The following CTNNBL1 variants were observed in gnomAD, a reference collection of about 807,000 sequenced individuals.
CTNNBL1 encodes the protein beta-catenin-like protein 1.
A neutral mutation model predicts 72.7 loss-of-function variants in CTNNBL1; 31 were observed. That is an observed-to-expected ratio of 0.43 (90% confidence interval 0.32 to 0.58). The LOEUF (loss-of-function observed/expected upper bound fraction) is 0.58, where lower values mean the gene tolerates loss of function less well. Among genes scored for constraint, CTNNBL1 ranks in the 20% least tolerant of loss-of-function variants. The probability of loss-of-function intolerance (pLI) is 0.08; values close to 1 mark genes in which losing one functional copy is unlikely to be tolerated. For synonymous variants in CTNNBL1, 240 were observed against 267.3 expected (o/e 0.90, Z 1.00); for missense variants, 534 against 725.1 (o/e 0.74, Z 3.03).
At chr20:37,859,608 T>G (rs982869339) in intron 13 of CTNNBL1, among the ~76,000 whole-genome samples, 2 of 149,476 alleles carry the variant, frequency 1.3e-5, no homozygotes, top group African/African-American at 4.9e-5. Flanking sequence ...TCAGCTTGTT[T>G]TTTTTTTTTT....
intron 13 of CTNNBL1, among the ~76,000 whole-genome samples, chr20:37,842,878 T>C (rs1410874089): frequency 7.2e-5 from 11 of 152,244 alleles, no homozygotes; most frequent in Admixed American, 7.2e-4. Context: ...GATGGAAAAC[T>C]GGAGACCTAG....
At chr20:37,788,539 T>C (rs2073697823) in intron 10 of CTNNBL1, among the ~76,000 whole-genome samples, 1 of 152,188 alleles carries the variant, frequency 6.6e-6, no homozygotes, top group South Asian at 2.1e-4. Context: ...AACGGGGCCA[T>C]AGTGTGTTGT....
At chr20:37,790,870 T>G (rs182246864) in intron 10 of CTNNBL1, among the ~76,000 whole-genome samples, 14 of 152,348 alleles carry the variant, frequency 9.2e-5, no homozygotes, top group African/African-American at 3.4e-4. Flanking sequence ...AGTGAACATA[T>G]TTGTCACACC....
chr20:37,755,006 C>CAT (rs2073351565), intron 4 of CTNNBL1, among the ~76,000 whole-genome samples: 1 of 151,938 alleles, frequency 6.6e-6, no homozygotes, highest in Non-Finnish European at 1.5e-5. Context: ...CAGGTTTCAC[C>CAT]ATATTGGCCA....
At chr20:37,733,592 T>C (rs111960760) in intron 2 of CTNNBL1, among the ~76,000 whole-genome samples, 1,587 of 152,304 alleles carry the variant, frequency 0.01, 32 homozygotes, top group African/African-American at 0.036. Context: ...CCTCTGGACC[T>C]TTGGACTTCT....
chr20:37,777,354 C>G lies in CTNNBL1; in HGVS notation c.760C>G (p.Pro254Ala). 6.2e-7 allele frequency: 1 copy of G among 1,613,662 alleles called. No individual in the cohort carries two copies. Among genetic ancestry groups the G allele is most frequent in the Non-Finnish European group, 8.5e-7 (1 of 1,179,608 alleles). Residue 254 changes from proline (P) to alanine (A), a missense_variant, in exon 8 of 16, where the codon CCT (proline) becomes GCT (alanine). Coordinates refer to ENST00000361383, the MANE Select transcript of CTNNBL1 (RefSeq NM_030877.5). Reference sequence around the variant, plus strand: ...TCCTATTTCCCCATAGGCAAAGATGCCTTTTGATGCCAACAAACTGTATTG... The same window carrying G: ...TCCTATTTCCCCATAGGCAAAGATGGCTTTTGATGCCAACAAACTGTATTG... ...WLLKRLKAKM[P>A]FDANKLYCSE...
chr20:37,764,792 C>T (rs530759666), intron 5 of CTNNBL1, among the ~76,000 whole-genome samples: 38 of 152,200 alleles, frequency 2.5e-4, no homozygotes, highest in African/African-American at 8.4e-4. Flanking sequence ...GGCCTAAAGA[C>T]GTGTTTTGGC....
intron 5 of CTNNBL1, among the ~76,000 whole-genome samples, chr20:37,762,164 A>ACCTTTT (rs2073423406): frequency 1.3e-5 from 2 of 152,192 alleles, no homozygotes; most frequent in Non-Finnish European, 2.9e-5. Flanking sequence ...GCTAGGATAC[A>ACCTTTT]ACAGGCCTGA....
intron 1 of CTNNBL1, among the ~76,000 whole-genome samples, chr20:37,717,871 C>G (rs573135550): frequency 1.3e-5 from 2 of 152,274 alleles, no homozygotes; most frequent in African/African-American, 4.8e-5. Flanking sequence ...CGCCCTTAAT[C>G]CATTTAACCC....
intron 10 of CTNNBL1, among the ~76,000 whole-genome samples, chr20:37,794,754 A>C (rs1223253367): frequency 6.6e-6 from 1 of 151,780 alleles, no homozygotes; most frequent in South Asian, 2.1e-4. Context: ...TTCCTGCCTC[A>C]GTCTCCCAAA....
chr20:37,838,341 A>C lies in CTNNBL1; in HGVS notation c.1214-1761A>C, dbSNP rs78084961. ...TAGGCTATTGACTATTCCAAGCAAG[A>C]AATGGTGGTGATGTGAATGAGGGTA... On this transcript the variant is annotated intron_variant, in intron 11 of 15. Coordinates refer to ENST00000361383, the MANE Select transcript of CTNNBL1 (RefSeq NM_030877.5). 7.6e-3 allele frequency among the ~76,000 whole-genome samples: 1,161 copies of C among 152,280 alleles called. 15 individuals are homozygous for C. The highest frequency in any genetic ancestry group is 0.026 in the African/African-American group (1,078 of 41,552).
intron 11 of CTNNBL1, among the ~76,000 whole-genome samples, chr20:37,819,976 G>A (rs924293250): frequency 3.4e-5 from 5 of 149,206 alleles, no homozygotes; most frequent in Admixed American, 2.0e-4. Flanking sequence ...CCGGGTTCAA[G>A]CGATTCTCCT....
intron 13 of CTNNBL1, among the ~76,000 whole-genome samples, chr20:37,849,356 C>G (rs1297675894): frequency 6.6e-6 from 1 of 152,216 alleles, no homozygotes; most frequent in African/African-American, 2.4e-5. Context: ...CTGCGCCGGC[C>G]TCATGGTGCC....
chr20:37,829,702 G>C (rs758252007), intron 11 of CTNNBL1, among the ~76,000 whole-genome samples: 11 of 151,910 alleles, frequency 7.2e-5, no homozygotes, highest in Non-Finnish European at 1.3e-4. Context: ...CCTCTTCCCT[G>C]TACCTGTCCT....
At chr20:37,805,073 G>A (rs768668906) in intron 11 of CTNNBL1, among the ~76,000 whole-genome samples, 4 of 152,222 alleles carry the variant, frequency 2.6e-5, no homozygotes, top group Non-Finnish European at 4.4e-5. Flanking sequence ...CCTACAAACC[G>A]GCCTTCGGCC....
intron 1 of CTNNBL1, among the ~76,000 whole-genome samples, chr20:37,707,315 T>G (rs2072894493): frequency 1.3e-5 from 2 of 152,246 alleles, no homozygotes; most frequent in Admixed American, 1.3e-4. Flanking sequence ...GGCTGTTTTG[T>G]CAACATTGAA....
intron 10 of CTNNBL1, among the ~76,000 whole-genome samples, chr20:37,800,771 C>G (rs73904775): frequency 0.015 from 2,334 of 152,306 alleles, 48 homozygotes; most frequent in African/African-American, 0.053. Context: ...GCCTTTGATA[C>G]AGCCCATGTT....
intron 7 of CTNNBL1, among the ~76,000 whole-genome samples, chr20:37,776,569 C>T (rs1442603888): frequency 7.9e-5 from 12 of 152,108 alleles, no homozygotes; most frequent in Non-Finnish European, 8.8e-5. Flanking sequence ...CACTGAGACT[C>T]GCTCCTCTCT....
intron 5 of CTNNBL1, among the ~76,000 whole-genome samples, chr20:37,762,476 C>T (rs1434158048): frequency 2.0e-5 from 3 of 152,086 alleles, no homozygotes; most frequent in Non-Finnish European, 2.9e-5. Flanking sequence ...CTTTAACTCC[C>T]GGAATATTGT....
Sources: gnomAD v4.1 joint callset for allele counts (sites outside exome capture counted in the v4.1 genomes callset) on GRCh38, gnomAD v4.1.1 for gene constraint, MANE v1.5 for transcripts, NCBI Gene and HGNC (gene_info 2026-07-23, HGNC 2026-07-21) for gene names.